CACNB2: variants seen among roughly 807,000 people sequenced by gnomAD.
The protein encoded by CACNB2 is calcium voltage-gated channel auxiliary subunit beta 2.
In CACNB2, 42 loss-of-function variants were observed where a neutral mutation model predicts 73.3. That is an observed-to-expected ratio of 0.57 (90% CI 0.45 to 0.74). The LOEUF (loss-of-function observed/expected upper bound fraction) is 0.74. Ranked by LOEUF, CACNB2 falls within the 30% of genes least tolerant of loss-of-function variation. The pLI, the probability that CACNB2 is intolerant of heterozygous loss-of-function variation, is 0.00. For missense variants in CACNB2, 940 were observed against 853.0 expected (o/e 1.10, Z -1.27); for synonymous variants, 348 against 310.3 (o/e 1.12, Z -1.28).
At chr10:18,502,475 G>A (rs2050248115) in intron 5 of CACNB2, among the ~76,000 whole-genome samples, 1 of 151,022 alleles carries the variant, frequency 6.6e-6, no homozygotes, top group African/African-American at 2.4e-5. Flanking sequence ...CATATCACAA[G>A]GTTAAGAGAT....
rs2040463531 is a variant in CACNB2 at position 18,323,302 on chromosome 10, C to T, written c.214-78622C>T. Among the ~76,000 whole-genome samples, 3 of 152,002 alleles carry T rather than the reference C, an allele frequency of 2.0e-5. No homozygotes were observed. In the South Asian group the frequency reaches 6.2e-4, roughly 32 times the overall value. On this transcript the variant is annotated intron_variant, in intron 2 of 13. Transcript: ENST00000324631. ...TTATTTTTCCATATCTTTACACATC[C>T]CTAAGCAAAGTGGAGTGATTTTGCC...
Position 18,214,675 on chromosome 10 carries a change from G to A in CACNB2, c.213+63700G>A, listed in dbSNP as rs924680542. Among the ~76,000 whole-genome samples the A allele has an allele frequency of 4.0e-5, 6 of 151,730 alleles. 1 individual carries two copies. The highest frequency in any genetic ancestry group is 1.5e-4 in the African/African-American group (6 of 41,170). ...AAAAAATTAACAACTGTATGGCGTG[G>A]CAACAGCTGGTCGGGGAGGTTGCCT... On this transcript the variant is annotated intron_variant, in intron 2 of 13. Transcript: ENST00000324631.
intron 9 of CACNB2, among the ~76,000 whole-genome samples, chr10:18,526,066 C>T (rs1370992391): frequency 6.6e-6 from 1 of 152,160 alleles, no homozygotes; most frequent in Admixed American, 6.6e-5. Context: ...TAAAATAAGG[C>T]ATAAAATAAT....
intron 2 of CACNB2, among the ~76,000 whole-genome samples, chr10:18,350,391 G>A (rs1037509530): frequency 7.9e-5 from 12 of 152,184 alleles, no homozygotes; most frequent in South Asian, 2.1e-4. Context: ...ACAGGTGTCC[G>A]TGGAAAAAGC....
chr10:18,426,972 T>TTTTTTTTTAG (rs2045633795), intron 3 of CACNB2, among the ~76,000 whole-genome samples: 2 of 148,506 alleles, frequency 1.3e-5, no homozygotes, highest in Non-Finnish European at 3.0e-5. Context: ...TTTTTTTTTT[T>TTTTTTTTTAG]GAGACTGAGT....
chr10:18,165,920 A>G (rs1211957658), intron 2 of CACNB2, among the ~76,000 whole-genome samples: 1 of 152,130 alleles, frequency 6.6e-6, no homozygotes, highest in Non-Finnish European at 1.5e-5. Context: ...TGGTTTGAAG[A>G]GTTGTAAGTT....
At chr10:18,345,958 T>C (rs192868059) in intron 2 of CACNB2, among the ~76,000 whole-genome samples, 20 of 152,314 alleles carry the variant, frequency 1.3e-4, no homozygotes, top group Non-Finnish European at 2.4e-4. Context: ...CTGTCTCACC[T>C]TTCTGTTCAT....
chr10:18,468,941 C>T (rs2048039235), intron 3 of CACNB2, among the ~76,000 whole-genome samples: 1 of 152,128 alleles, frequency 6.6e-6, no homozygotes, highest in African/African-American at 2.4e-5. Context: ...GATATACAGC[C>T]AGGTGGTTAC....
At chr10:18,261,858 C>T (rs1008214305) in intron 2 of CACNB2, 32 of 504,818 alleles carry the variant, frequency 6.3e-5, no homozygotes, top group Non-Finnish European at 1.1e-4. Flanking sequence ...TTTCATGGCC[C>T]TGCTGTGTTT....
intron 2 of CACNB2, among the ~76,000 whole-genome samples, chr10:18,165,446 T>C (rs2032784635): frequency 6.6e-6 from 1 of 152,214 alleles, no homozygotes; most frequent in Admixed American, 6.5e-5. Flanking sequence ...AAAGGCACGA[T>C]CTATCGCCCA....
intron 2 of CACNB2, among the ~76,000 whole-genome samples, chr10:18,248,123 C>T (rs1331374599): frequency 1.3e-5 from 2 of 152,186 alleles, no homozygotes; most frequent in East Asian, 3.8e-4. Flanking sequence ...ACCTACCAAA[C>T]TAGAAAAGAG....
At chr10:18,381,968 A>T (rs556787876) in intron 2 of CACNB2, among the ~76,000 whole-genome samples, 1 of 152,132 alleles carries the variant, frequency 6.6e-6, no homozygotes, top group East Asian at 1.9e-4. Flanking sequence ...TTGGTTCTTC[A>T]TGACAAGCAC....
chr10:18,481,216 ATATATATATATATATTTTTTTTTTTTTT>A (rs1171007964), intron 3 of CACNB2, among the ~76,000 whole-genome samples: 7 of 13,002 alleles, frequency 5.4e-4, no homozygotes, highest in African/African-American at 1.8e-3. Flanking sequence ...ATATATATAT[ATATATATATATATATTTTTTTTTTTTTT>A]TTTTTTTTTT....
At chr10:18,516,209 C>T (rs1186353706) in intron 7 of CACNB2, among the ~76,000 whole-genome samples, 1 of 148,644 alleles carries the variant, frequency 6.7e-6, no homozygotes, top group African/African-American at 2.5e-5. Flanking sequence ...AGCTAGATAA[C>T]TCTGTCTCAA....
At chr10:18,312,889 A>G (rs1017332033) in intron 2 of CACNB2, among the ~76,000 whole-genome samples, 4 of 152,186 alleles carry the variant, frequency 2.6e-5, no homozygotes, top group Non-Finnish European at 4.4e-5. Flanking sequence ...TTTCAAGGTC[A>G]TGCTACTGAC....
At chr10:18,465,867 G>C (rs1242410690) in intron 3 of CACNB2, among the ~76,000 whole-genome samples, 1 of 152,000 alleles carries the variant, frequency 6.6e-6, no homozygotes, top group Non-Finnish European at 1.5e-5. Context: ...TTTTAGTAGA[G>C]ACAGGGTTTC....
chr10:18,450,179 T>G (rs969589214), intron 3 of CACNB2, among the ~76,000 whole-genome samples: 3 of 152,180 alleles, frequency 2.0e-5, no homozygotes, highest in East Asian at 3.9e-4. Context: ...GTAGGTAAAA[T>G]GCCTGTGTGT....
At position 18,494,445 on chromosome 10, in the gene CACNB2, C is replaced by A. The variant is rs187660699; in HGVS notation, c.334-3910C>A. ...GAGATCGAGACCATCCTGGCTAACA[C>A]GGTGAAACCCCATCTCTACTAAAAA... On this transcript the variant is annotated intron_variant, in intron 3 of 13. Coordinates refer to ENST00000324631, the MANE Select transcript of CACNB2 (RefSeq NM_201596.3). Among the ~76,000 whole-genome samples the A allele has an allele frequency of 3.0e-3, 450 of 151,886 alleles. 3 individuals carry two copies. Among genetic ancestry groups the A allele is most frequent in the Non-Finnish European group, 5.4e-3 (366 of 67,942 alleles).
chr10:18,279,537 C>A (rs771308108), intron 2 of CACNB2, among the ~76,000 whole-genome samples: 23 of 152,178 alleles, frequency 1.5e-4, no homozygotes, highest in African/African-American at 4.8e-5. Context: ...CATTTTCTTG[C>A]ATATAATATG....
Sources: gnomAD v4.1 joint callset for allele counts (sites outside exome capture counted in the v4.1 genomes callset) on GRCh38, gnomAD v4.1.1 for gene constraint, MANE v1.5 for transcripts, NCBI Gene and HGNC (gene_info 2026-07-23, HGNC 2026-07-21) for gene names.